TTC6: variants seen among roughly 807,000 people sequenced by gnomAD.
TTC6 encodes tetratricopeptide repeat domain 6, also known as tetratricopeptide repeat protein 6.
In TTC6, 172 loss-of-function variants were observed where a neutral mutation model predicts 210.4. That is an observed-to-expected ratio of 0.82 (90% CI 0.72 to 0.93). The LOEUF (loss-of-function observed/expected upper bound fraction) is 0.93. TTC6 is among the 40% of genes least tolerant of loss of function. The pLI is 0.00. For missense variants in TTC6, 2,414 were observed against 2,318.1 expected (o/e 1.04, Z -0.85); for synonymous variants, 804 against 819.6 (o/e 0.98, Z 0.32).
exon 16 of TTC6, chr14:37,790,742 T>C: frequency 6.5e-7 from 1 of 1,534,270 alleles, no homozygotes; most frequent in Non-Finnish European, 8.7e-7. Context: ...GCTATGAGAA[T>C]CTTGGTTGTT....
chr14:37,721,667 C>T (rs2138807712), intron 6 of TTC6, among the ~76,000 whole-genome samples: 1 of 151,860 alleles, frequency 6.6e-6, no homozygotes, highest in East Asian at 1.9e-4. Context: ...CATGCATTTC[C>T]TCCAAACCGC....
intron 20 of TTC6, among the ~76,000 whole-genome samples, chr14:37,797,665 T>A (rs2139371115): frequency 6.6e-6 from 1 of 152,156 alleles, no homozygotes; most frequent in Non-Finnish European, 1.5e-5. Context: ...TAAAATAGAA[T>A]ATGTCTATTT....
intron 5 of TTC6, among the ~76,000 whole-genome samples, chr14:37,704,241 CAT>C (rs1224807326): frequency 6.6e-6 from 1 of 152,006 alleles, no homozygotes; most frequent in Non-Finnish European, 1.5e-5. Flanking sequence ...TTTTTGTAGA[CAT>C]AGAGTCTCAC....
intron 1 of TTC6, among the ~76,000 whole-genome samples, chr14:37,631,600 T>C (rs1732319176): frequency 6.6e-6 from 1 of 152,216 alleles, no homozygotes; most frequent in Admixed American, 6.5e-5. Flanking sequence ...TTGGTGTTGC[T>C]CTTCTCAAGG....
chr14:37,659,114 A>T lies in TTC6; in HGVS notation c.940-21037A>T, dbSNP rs142559412. On this transcript the variant is annotated intron_variant, in intron 1 of 30. Transcript: ENST00000553443. ...CTCCCACAAAAGACATGATCTTATTATTTTTTTTTATGGCTGCATAGTATT... is the reference window on the plus strand; with the variant it reads ...CTCCCACAAAAGACATGATCTTATTTTTTTTTTTTATGGCTGCATAGTATT... Among the ~76,000 whole-genome samples, 545 of 151,218 alleles carry T rather than the reference A, an allele frequency of 3.6e-3. 4 individuals are homozygous for T. The highest frequency in any genetic ancestry group is 0.013 in the African/African-American group (524 of 41,230).
chr14:37,614,298 A>C lies in TTC6; in HGVS notation c.-155+7556A>C, dbSNP rs568726155. ...TTACAATATACCTTCTTAACATTTC[A>C]AAGTCTACTTAAAGTTGATATTGAA... is the stretch of plus-strand genomic sequence containing the variant. On this transcript the variant is annotated intron_variant, in intron 2 of 2. Transcript: ENST00000556845. Among the ~76,000 whole-genome samples, 200 of 152,292 alleles carry C rather than the reference A, an allele frequency of 1.3e-3. 1 individual carries two copies. The highest frequency in any genetic ancestry group is 4.6e-3 in the African/African-American group (192 of 41,576).
intron 3 of TTC6, among the ~76,000 whole-genome samples, chr14:37,688,035 G>GGACCT (rs2095797201): frequency 6.6e-6 from 1 of 152,016 alleles, no homozygotes; most frequent in South Asian, 2.1e-4. Context: ...CACCATTTCT[G>GGACCT]GACCTGCCCT....
intron 14 of TTC6, among the ~76,000 whole-genome samples, chr14:37,767,515 CATT>C (rs1467178423): frequency 2.6e-5 from 4 of 152,162 alleles, no homozygotes; most frequent in Admixed American, 2.0e-4. Context: ...GATGGTATCT[CATT>C]GTGGTTTTGA....
intron 4 of TTC6, among the ~76,000 whole-genome samples, chr14:37,700,825 A>G (rs1301406038): frequency 1.3e-5 from 2 of 151,716 alleles, no homozygotes; most frequent in African/African-American, 4.8e-5. Flanking sequence ...AGAGAGATAC[A>G]AGTCCAAGCA....
At chr14:37,786,437 A>G (rs1252316059) in intron 14 of TTC6, among the ~76,000 whole-genome samples, 1 of 152,248 alleles carries the variant, frequency 6.6e-6, no homozygotes, top group Non-Finnish European at 1.5e-5. Context: ...GGTGCGGGAT[A>G]TAATCTACTG....
intron 1 of TTC6, among the ~76,000 whole-genome samples, chr14:37,599,826 C>G (rs2095611953): frequency 6.6e-6 from 1 of 152,172 alleles, no homozygotes; most frequent in African/African-American, 2.4e-5. Context: ...CCTCGAGGCC[C>G]CCGGAACCGA....
chr14:37,837,067 G>GA (rs1451217122), intron 29 of TTC6, among the ~76,000 whole-genome samples: 1 of 152,168 alleles, frequency 6.6e-6, no homozygotes. Flanking sequence ...TGTTGTGGTA[G>GA]ATACCTTTAG....
At chr14:37,804,272 C>A (rs2096113435) in intron 20 of TTC6, among the ~76,000 whole-genome samples, 1 of 152,198 alleles carries the variant, frequency 6.6e-6, no homozygotes, top group African/African-American at 2.4e-5. Flanking sequence ...CAGATATTAT[C>A]AGTGGAGATC....
At chr14:37,841,283 T>A (rs769457811) in intron 29 of TTC6, among the ~76,000 whole-genome samples, 162 bp from the exon 32 acceptor site, 1 of 152,222 alleles carries the variant, frequency 6.6e-6, no homozygotes, top group Non-Finnish European at 1.5e-5. Flanking sequence ...TTTAGCTTTT[T>A]ACATTCTCTG....
intron 1 of TTC6, among the ~76,000 whole-genome samples, chr14:37,632,712 A>C (rs939944155): frequency 1.3e-5 from 2 of 152,044 alleles, no homozygotes; most frequent in Non-Finnish European, 2.9e-5. Context: ...CTCAAGCTGC[A>C]CCCCCAGCCG....
At chr14:37,764,861 T>C (rs1204687796) in intron 14 of TTC6, among the ~76,000 whole-genome samples, 1 of 151,882 alleles carries the variant, frequency 6.6e-6, no homozygotes, top group African/African-American at 2.4e-5. Context: ...ATATTTTGTG[T>C]ATTATATTGT....
chr14:37,697,577 C>A (rs756235301), intron 4 of TTC6, among the ~76,000 whole-genome samples: 1 of 152,040 alleles, frequency 6.6e-6, no homozygotes, highest in Non-Finnish European at 1.5e-5. Context: ...GGAAGACAGC[C>A]TTTTTATGGC....
intron 14 of TTC6, among the ~76,000 whole-genome samples, chr14:37,756,983 C>CT (rs934956333): frequency 6.6e-6 from 1 of 151,994 alleles, no homozygotes; most frequent in African/African-American, 2.4e-5. Context: ...TGGTCCTTGA[C>CT]TTTTTTTGGT....
chr14:37,720,891 G>C (rs573269729), intron 6 of TTC6, among the ~76,000 whole-genome samples: 23 of 152,186 alleles, frequency 1.5e-4, no homozygotes, highest in Non-Finnish European at 2.9e-4. Flanking sequence ...TGATGGAAAT[G>C]TTTTGTAGCT....
Sources: allele counts gnomAD v4.1 joint callset (sites outside exome capture counted in the v4.1 genomes callset), GRCh38; gene constraint gnomAD v4.1.1; transcripts MANE v1.5; gene names NCBI Gene and HGNC (gene_info 2026-07-23, HGNC 2026-07-21).